ZBTB41: variants seen among roughly 807,000 people sequenced by gnomAD.
The protein encoded by ZBTB41 is zinc finger and BTB domain-containing protein 41.
In ZBTB41, 42 loss-of-function variants were observed where a neutral mutation model predicts 87.6. That is an observed-to-expected ratio of 0.48 (90% CI 0.37 to 0.62). ZBTB41 has a LOEUF of 0.62. ZBTB41 is among the 20% of genes least tolerant of loss of function. The probability of loss-of-function intolerance (pLI) is 0.00; values close to 1 mark genes in which losing one functional copy is unlikely to be tolerated. For missense variants in ZBTB41, 799 were observed against 1,078.9 expected, an observed-to-expected ratio of 0.74 and a Z score of 3.63; for synonymous variants, 364 against 364.0, an observed-to-expected ratio of 1.00 and a Z score of 0.00.
chr1:197,166,252 AAAAAT>A (rs1205040534), intron 10 of ZBTB41, among the ~76,000 whole-genome samples: 2 of 152,192 alleles, frequency 1.3e-5, no homozygotes, highest in African/African-American at 2.4e-5. Context: ...AGCAGATATG[AAAAAT>A]AAAATAAATC....
intron 10 of ZBTB41, among the ~76,000 whole-genome samples, chr1:197,165,295 T>A (rs1190529888): frequency 6.6e-6 from 1 of 151,880 alleles, no homozygotes; most frequent in Non-Finnish European, 1.5e-5. Context: ...AACTGAATTA[T>A]AATGGAAATA....
chr1:197,159,952 T>C lies in ZBTB41; in HGVS notation c.2137A>G (p.Lys713Glu). The change falls in exon 11 of 11, where the codon AAA becomes GAA. Residue 713 changes from lysine to glutamate, a missense_variant. Lys to Glu is a moderately conservative substitution (Grantham distance 56). This residue lies in a region of ZBTB41 where 198 missense variants were observed against 358.4 expected (regional missense o/e 0.55). Coordinates refer to ENST00000367405, the MANE Select transcript of ZBTB41 (RefSeq NM_194314.3). ...GCATCAGAATGAATAACCAGGTGTTTTGTTAATGTTTTCTTAATTCTAAAA... is the reference window on the plus strand; with the variant it reads ...GCATCAGAATGAATAACCAGGTGTTCTGTTAATGTTTTCTTAATTCTAAAA... ...QSFRIKKTLT[K>E]HLVIHSDARP... 1 of 1,613,752 alleles carries C rather than the reference T, an allele frequency of 6.2e-7. No homozygotes were observed. The highest frequency in any genetic ancestry group is 8.5e-7 in the Non-Finnish European group (1 of 1,179,776).
intron 5 of ZBTB41, among the ~76,000 whole-genome samples, chr1:197,182,136 A>G (rs1659762085): frequency 6.6e-6 from 1 of 152,202 alleles, no homozygotes; most frequent in Non-Finnish European, 1.5e-5. Flanking sequence ...TGAAAAAAAA[A>G]GGTGAAGTAA....
intron 7 of ZBTB41, among the ~76,000 whole-genome samples, chr1:197,177,076 T>C (rs1321230756): frequency 6.6e-6 from 1 of 152,126 alleles, no homozygotes; most frequent in Non-Finnish European, 1.5e-5. Flanking sequence ...TACAAGTGAC[T>C]AGGCATATCA....
intron 5 of ZBTB41, among the ~76,000 whole-genome samples, chr1:197,187,784 A>G (rs1234824875): frequency 2.6e-5 from 4 of 152,180 alleles, no homozygotes; most frequent in African/African-American, 9.7e-5. Context: ...TGGAGACAGT[A>G]AAAAGATCAT....
chr1:197,173,660 T>C (rs1018620647), intron 9 of ZBTB41, among the ~76,000 whole-genome samples: 1 of 152,082 alleles, frequency 6.6e-6, no homozygotes, highest in Non-Finnish European at 1.5e-5. Flanking sequence ...TTTACACAGA[T>C]AATTTGGATT....
chr1:197,200,133 T>A lies in ZBTB41; in HGVS notation c.341A>T (p.His114Leu). 6.2e-7 allele frequency: 1 copy of A among 1,613,962 alleles called. No individual in the cohort carries two copies. Among genetic ancestry groups the A allele is most frequent in the Non-Finnish European group, 8.5e-7 (1 of 1,180,026 alleles). Residue 114 changes from histidine (H) to leucine (L), a missense_variant, in exon 2 of 11, where the codon CAT becomes CTT. Coordinates refer to ENST00000367405, the MANE Select transcript of ZBTB41 (RefSeq NM_194314.3). ...GCTTGGATTTTTGCTCAAACACGCA[T>A]GAAAATAACTACTGCCGACAGCAAC... ...VVVAVGSSYF[H>L]ACLSKNPSTD...
rs1659938058 is a variant in ZBTB41 at position 197,188,452 on chromosome 1, G to A, written c.1399-13C>T. 1.3e-6 allele frequency: 2 copies of A among 1,582,302 alleles called. No homozygotes were observed. The highest frequency in any genetic ancestry group is 3.7e-5 in the Admixed American group (2 of 53,460). ...ATTTCTTACAAATCTAAATTAAAATGCAAACAAAATGTTAAGAGAACCTGA... is the reference window on the plus strand; with the variant it reads ...ATTTCTTACAAATCTAAATTAAAATACAAACAAAATGTTAAGAGAACCTGA... On this transcript the variant is annotated splice_polypyrimidine_tract_variant and intron_variant, in intron 4 of 10. Transcript: ENST00000367405.
rs1383535342 is a variant in ZBTB41 at position 197,176,261 on chromosome 1, G to C, written c.1879+303C>G. 2.6e-5 allele frequency among the ~76,000 whole-genome samples: 4 copies of C among 151,968 alleles called. No homozygotes were observed. The East Asian group carries it at 7.7e-4, about 29-fold the overall frequency. The stretch of plus-strand genomic sequence containing the variant: ...TTCTCCCTTTAAGGAACTGTCAATA[G>C]CAATTATTAGATATATCCATGTAAT... On this transcript the variant is annotated intron_variant, in intron 8 of 10. Transcript: ENST00000367405.
intron 6 of ZBTB41, among the ~76,000 whole-genome samples, 187 bp downstream of exon 6, chr1:197,180,801 C>T (rs1256107368): frequency 6.6e-6 from 1 of 152,012 alleles, no homozygotes; most frequent in East Asian, 1.9e-4. Flanking sequence ...CATCTAAAAC[C>T]TGCAAATCTT....
At chr1:197,178,600 G>A in intron 6 of ZBTB41, 88 bp from the exon 7 acceptor site, 1 of 838,074 alleles carries the variant, frequency 1.2e-6, no homozygotes, top group South Asian at 2.4e-5. Context: ...AGGTATTCAA[G>A]CTAACTGATA....
intron 3 of ZBTB41, among the ~76,000 whole-genome samples, chr1:197,191,456 CA>C (rs537220441): frequency 0.026 from 2,203 of 85,132 alleles, 28 homozygotes; most frequent in African/African-American, 0.054. Context: ...AGCCCTACTT[CA>C]AAAAAAAAAA....
At chr1:197,183,003 A>C (rs1483528342) in intron 5 of ZBTB41, among the ~76,000 whole-genome samples, 1 of 152,162 alleles carries the variant, frequency 6.6e-6, no homozygotes, top group Non-Finnish European at 1.5e-5. Flanking sequence ...GACGGAATGC[A>C]AAAGAAGCTC....
At position 197,157,453 on chromosome 1, in the gene ZBTB41, C is replaced by T. The variant is rs1346139499; in HGVS notation, c.*1906G>A. 1 of 151,400 alleles carries T rather than the reference C, an allele frequency of 6.6e-6. No individual in the cohort carries two copies. The highest frequency in any genetic ancestry group is 1.5e-5 in the Non-Finnish European group (1 of 67,648). The allele number at this position is 151,400 out of a possible 1,614,324, so 9.4% of individuals were successfully genotyped here. ...GATTTTTAGTTATAATATTGCCAGT[C>T]TTTATGATGAAAATCATAAAGATAT... is the stretch of plus-strand genomic sequence containing the variant. On this transcript the variant is annotated 3_prime_UTR_variant, in exon 11 of 11. Transcript: ENST00000367405.
At chr1:197,167,189 T>G (rs189508582) in intron 10 of ZBTB41, among the ~76,000 whole-genome samples, 10 of 152,254 alleles carry the variant, frequency 6.6e-5, no homozygotes, top group Non-Finnish European at 1.3e-4. Flanking sequence ...TGTATATTTA[T>G]GTGTTTGAAT....
At chr1:197,188,923 C>A (rs964679793) in intron 4 of ZBTB41, among the ~76,000 whole-genome samples, 2 of 152,108 alleles carry the variant, frequency 1.3e-5, no homozygotes, top group African/African-American at 4.8e-5. Context: ...ACAGCACCAA[C>A]AATAATGACA....
chr1:197,190,695 C>G (rs1349628602), intron 4 of ZBTB41, 67 bp downstream of exon 4: 15 of 961,596 alleles, frequency 1.6e-5, no homozygotes, highest in Non-Finnish European at 2.4e-5. Flanking sequence ...AACCTAATTA[C>G]TTTACTTCCC....
At chr1:197,191,019 T>C (rs1660017407) in intron 3 of ZBTB41, among the ~76,000 whole-genome samples, 188 bp from the exon 4 acceptor site, 2 of 152,186 alleles carry the variant, frequency 1.3e-5, no homozygotes, top group South Asian at 4.1e-4. Context: ...AACCTAGCTC[T>C]TTATAGATAA....
intron 2 of ZBTB41, among the ~76,000 whole-genome samples, chr1:197,192,674 C>G (rs1660065498): frequency 6.6e-6 from 1 of 152,074 alleles, no homozygotes; most frequent in African/African-American, 2.4e-5. Context: ...CTTAGCTTTG[C>G]TCTCTCCTGA....
Sources: allele counts gnomAD v4.1 joint callset (sites outside exome capture counted in the v4.1 genomes callset), GRCh38; gene constraint gnomAD v4.1.1; regional missense constraint gnomAD v4.1.1; transcripts MANE v1.5; gene names NCBI Gene and HGNC (gene_info 2026-07-23, HGNC 2026-07-21).